ADAMTS16: variants seen among roughly 807,000 people sequenced by gnomAD.
The protein encoded by ADAMTS16 is ADAM metallopeptidase with thrombospondin type 1 motif 16.
ADAMTS16 carries 94 observed loss-of-function variants against 145.8 expected under a neutral mutation model. The observed-to-expected ratio is 0.64, with a 90% CI of 0.55 to 0.77. The LOEUF (loss-of-function observed/expected upper bound fraction) is 0.77. Ranked by LOEUF, ADAMTS16 falls within the 30% of genes least tolerant of loss-of-function variation. The probability of loss-of-function intolerance (pLI) is 0.00; values close to 1 mark genes in which losing one functional copy is unlikely to be tolerated. For missense variants in ADAMTS16, 1,585 were observed against 1,591.5 expected (o/e 1.00, Z 0.07); for synonymous variants, 659 against 604.3 (o/e 1.09, Z -1.33).
chr5:5,250,709 C>CTG lies in ADAMTS16; in HGVS notation c.2662+8545_2662+8546dup, dbSNP rs66744630. Among the ~76,000 whole-genome samples, 1,172 of 123,018 alleles carry CTG rather than the reference C, an allele frequency of 9.5e-3. 27 individuals are homozygous for CTG. The highest frequency in any genetic ancestry group is 0.072 in the East Asian group (342 of 4,742). The allele number at this position is 123,018 out of a possible 152,430, so 80.7% of individuals were successfully genotyped here. On this transcript the variant is annotated intron_variant, in intron 17 of 22. Transcript: ENST00000274181. ...TCATCACCCTGTCTGTCTCTTCTCT[C>CTG]TGTGTGTGTGTGTGTGTGTGTGTGT... is the stretch of plus-strand genomic sequence containing the variant.
rs1739886368 is a variant in ADAMTS16 at position 5,303,553 on chromosome 5, T to A, written c.2992-19T>A. ...GCACATGGCCCTCACTGGGTGCTTA[T>A]CCTGACTGTTCTGTGCAGTGCTCAC... On this transcript the variant is annotated intron_variant, in intron 19 of 22. Transcript: ENST00000274181. 3.7e-6 allele frequency: 6 copies of A among 1,612,578 alleles called. No individual in the cohort carries two copies. In the East Asian group the frequency reaches 1.3e-4, roughly 36 times the overall value.
intron 20 of ADAMTS16, among the ~76,000 whole-genome samples, chr5:5,304,337 T>C (rs1579404153): frequency 1.3e-5 from 2 of 152,164 alleles, no homozygotes; most frequent in African/African-American, 4.8e-5. Context: ...CCCTTCATCA[T>C]GGGAATAACG....
At chr5:5,226,843 A>T (rs1403955503) in intron 11 of ADAMTS16, among the ~76,000 whole-genome samples, 5 of 152,336 alleles carry the variant, frequency 3.3e-5, no homozygotes, top group Non-Finnish European at 5.9e-5. Context: ...TGCAGTCCCC[A>T]TTGGACATTC....
At chr5:5,192,632 G>A (rs1247813195) in intron 8 of ADAMTS16, among the ~76,000 whole-genome samples, 2 of 152,102 alleles carry the variant, frequency 1.3e-5, no homozygotes, top group Admixed American at 6.6e-5. Flanking sequence ...GGAGCCCCAC[G>A]AGCCTGGGGG....
intron 20 of ADAMTS16, among the ~76,000 whole-genome samples, chr5:5,304,702 C>G (rs1202022064): frequency 2.0e-5 from 3 of 152,066 alleles, no homozygotes; most frequent in African/African-American, 4.8e-5. Flanking sequence ...CAGTTTGTTA[C>G]TAAAAAATAA....
At chr5:5,174,341 T>C (rs1045920162) in intron 3 of ADAMTS16, among the ~76,000 whole-genome samples, 1 of 152,162 alleles carries the variant, frequency 6.6e-6, no homozygotes, top group Admixed American at 6.5e-5. Flanking sequence ...CCATTTTATG[T>C]TGTTTTTTCT....
At chr5:5,297,677 G>C (rs968216144) in intron 18 of ADAMTS16, among the ~76,000 whole-genome samples, 5 of 152,182 alleles carry the variant, frequency 3.3e-5, no homozygotes, top group Admixed American at 1.3e-4. Context: ...TGGTAAAAAT[G>C]GCATGCTGGC....
At chr5:5,214,058 G>T (rs1186163222) in intron 10 of ADAMTS16, among the ~76,000 whole-genome samples, 2 of 152,234 alleles carry the variant, frequency 1.3e-5, no homozygotes, top group East Asian at 3.8e-4. Context: ...CAACAGCGGG[G>T]TCTGCAAAGT....
Position 5,209,084 on chromosome 5 carries a change from T to G in ADAMTS16, c.1452-9T>G, listed in dbSNP as rs1439692309. On this transcript the variant is annotated splice_polypyrimidine_tract_variant and intron_variant, in intron 9 of 22. Coordinates refer to ENST00000274181, the MANE Select transcript of ADAMTS16 (RefSeq NM_139056.4). ...CAGTTACTAGTAGCTCATCTCCTCT[T>G]TGTTTCAGCACCGCTCAAGCTATCT... 1.2e-6 allele frequency: 2 copies of G among 1,611,218 alleles called. No homozygotes were observed. Among genetic ancestry groups the G allele is most frequent in the Admixed American group, 3.3e-5 (2 of 59,774 alleles).
rs1735920818 is a variant in ADAMTS16 at position 5,200,271 on chromosome 5, T to C, written c.1451+2T>C. On this transcript the variant is annotated splice_donor_variant, in intron 9 of 22. Coordinates refer to ENST00000274181, the MANE Select transcript of ADAMTS16 (RefSeq NM_139056.4). LOFTEE classifies it high-confidence loss of function. Reference sequence around the variant, plus strand: ...CCAGTATCTACACAAATTTCTAAGGTAGGAACTCTTTAAGCTGGTCTTGTG... The same window carrying C: ...CCAGTATCTACACAAATTTCTAAGGCAGGAACTCTTTAAGCTGGTCTTGTG... The C allele has an allele frequency of 6.2e-7, 1 of 1,613,780 alleles. No homozygotes were observed. The highest frequency in any genetic ancestry group is 8.5e-7 in the Non-Finnish European group (1 of 1,179,884).
chr5:5,234,869 C>CAAAA (rs1553993127), intron 12 of ADAMTS16, 145 bp from the exon 13 acceptor site: 6 of 56,506 alleles, frequency 1.1e-4, no homozygotes, highest in Admixed American at 5.1e-4. Context: ...GACTCCATCT[C>CAAAA]AAAAAAAAAA....
At position 5,208,150 on chromosome 5, in the gene ADAMTS16, T is replaced by C. The variant is rs968377213; in HGVS notation, c.1452-943T>C. Reference sequence around the variant, plus strand: ...ATTCACAGAGAACCCATCTGGGCTATATGTTGCTTTTTATGCACGGAGTCC... The same window carrying C: ...ATTCACAGAGAACCCATCTGGGCTACATGTTGCTTTTTATGCACGGAGTCC... On this transcript the variant is annotated intron_variant, in intron 9 of 22. Coordinates refer to ENST00000274181, the MANE Select transcript of ADAMTS16 (RefSeq NM_139056.4). Among the ~76,000 whole-genome samples, 22 of 152,282 alleles carry C rather than the reference T, an allele frequency of 1.4e-4. No individual in the cohort carries two copies. In the South Asian group the frequency reaches 4.6e-3, roughly 32 times the overall value.
intron 2 of ADAMTS16, among the ~76,000 whole-genome samples, chr5:5,144,135 AT>A (rs1734235942): frequency 6.6e-6 from 1 of 151,952 alleles, no homozygotes; most frequent in South Asian, 2.1e-4. Flanking sequence ...CAAAAAAAAA[AT>A]CAATGGTCAC....
intron 17 of ADAMTS16, among the ~76,000 whole-genome samples, chr5:5,248,071 GCTT>G (rs1288957525): frequency 2.0e-5 from 3 of 152,208 alleles, no homozygotes; most frequent in Non-Finnish European, 4.4e-5. Flanking sequence ...AACAATGCAT[GCTT>G]CTTTTGAGAG....
intron 17 of ADAMTS16, among the ~76,000 whole-genome samples, chr5:5,250,359 A>G (rs1186582177): frequency 6.6e-6 from 1 of 152,170 alleles, no homozygotes; most frequent in East Asian, 1.9e-4. Context: ...AAAATCAAAG[A>G]TATGGAAGAA....
intron 8 of ADAMTS16, among the ~76,000 whole-genome samples, chr5:5,198,513 A>C: frequency 6.6e-6 from 1 of 152,108 alleles, no homozygotes; most frequent in East Asian, 1.9e-4. Context: ...GTGACATCAA[A>C]GTGTCAAGGT....
chr5:5,158,821 A>G (rs1734668121), intron 3 of ADAMTS16, among the ~76,000 whole-genome samples: 1 of 152,246 alleles, frequency 6.6e-6, no homozygotes. Context: ...CCGCTTAAGC[A>G]TAGAGAAGTT....
chr5:5,202,040 T>C lies in ADAMTS16; in HGVS notation c.1451+1771T>C, dbSNP rs569464242. 3.7e-3 allele frequency among the ~76,000 whole-genome samples: 565 copies of C among 152,314 alleles called. 6 individuals carry two copies. Among genetic ancestry groups the C allele is most frequent in the African/African-American group, 0.013 (538 of 41,576 alleles). ...AGTAGCAGGATCACACCAGTACTTC[T>C]GTTGGTTTTACTCCAGTGTACTTTC... is the stretch of plus-strand genomic sequence containing the variant. On this transcript the variant is annotated intron_variant, in intron 9 of 22. Transcript: ENST00000274181.
At position 5,215,844 on chromosome 5, in the gene ADAMTS16, TATATATATATATGTG is replaced by T. The variant is rs1353484920; in HGVS notation, c.1605+6599_1605+6613del. Reference sequence around the variant, plus strand: ...ATGTGGTATATATATGTGGTGTGTATATATATATATATGTGGTGTGTATGTGTATATATATATATA... The same window carrying T: ...ATGTGGTATATATATGTGGTGTGTATGTGTGTATGTGTATATATATATATA... On this transcript the variant is annotated intron_variant, in intron 10 of 22. Transcript: ENST00000274181. 1.7e-3 allele frequency among the ~76,000 whole-genome samples: 189 copies of T among 109,274 alleles called. 1 individual carries two copies. Among genetic ancestry groups the T allele is most frequent in the Middle Eastern group, 8.5e-3 (2 of 236 alleles). 71.7% of individuals were successfully genotyped at this position (109,274 alleles called of 152,430 possible). A position where few individuals can be genotyped will look rare whatever the true frequency, so the allele number is the denominator to read the frequency against.
Sources: gnomAD v4.1 joint callset for allele counts (sites outside exome capture counted in the v4.1 genomes callset) on GRCh38, gnomAD v4.1.1 for gene constraint, MANE v1.5 for transcripts, NCBI Gene and HGNC (gene_info 2026-07-23, HGNC 2026-07-21) for gene names.